MACROD2: variants seen among roughly 807,000 people sequenced by gnomAD.
The protein encoded by MACROD2 is mono-ADP ribosylhydrolase 2.
Under a neutral mutation model 70.4 loss-of-function variants are expected in MACROD2, and 36 were observed. That is an observed-to-expected ratio of 0.51 (90% confidence interval 0.39 to 0.68). The LOEUF (loss-of-function observed/expected upper bound fraction) is 0.68. Ranked by LOEUF, MACROD2 falls within the 30% of genes least tolerant of loss-of-function variation. MACROD2 has a pLI of 0.00. For missense variants in MACROD2, 496 were observed against 538.4 expected (o/e 0.92, Z 0.78); for synonymous variants, 172 against 178.8 (o/e 0.96, Z 0.30).
intron 3 of MACROD2, among the ~76,000 whole-genome samples, chr20:14,271,774 A>C (rs958550002): frequency 6.6e-6 from 1 of 152,174 alleles, no homozygotes; most frequent in Non-Finnish European, 1.5e-5. Context: ...TATAACTAGA[A>C]TAACCAATAC....
intron 5 of MACROD2, among the ~76,000 whole-genome samples, chr20:14,780,045 C>T (rs1052581076): frequency 6.6e-6 from 1 of 152,044 alleles, no homozygotes; most frequent in African/African-American, 2.4e-5. Flanking sequence ...GAGGTTGAAT[C>T]ACTCTTTCAA....
intron 4 of MACROD2, among the ~76,000 whole-genome samples, chr20:14,637,397 C>T (rs903705777): frequency 6.6e-6 from 1 of 152,092 alleles, no homozygotes; most frequent in Admixed American, 6.5e-5. Flanking sequence ...GGCAACCATA[C>T]CAGGTCATTG....
chr20:15,803,989 C>A (rs565337127), intron 8 of MACROD2, among the ~76,000 whole-genome samples: 1 of 152,164 alleles, frequency 6.6e-6, no homozygotes, highest in African/African-American at 2.4e-5. Context: ...AGATTTTAGA[C>A]TCCCAAAGAA....
intron 6 of MACROD2, among the ~76,000 whole-genome samples, chr20:15,326,693 A>AAG (rs2077933645): frequency 1.3e-5 from 2 of 152,114 alleles, no homozygotes; most frequent in South Asian, 4.1e-4. Flanking sequence ...GAAAAAAAGC[A>AAG]AGAGAGAGTT....
At chr20:15,817,042 T>C (rs1005808718) in intron 8 of MACROD2, among the ~76,000 whole-genome samples, 1 of 152,214 alleles carries the variant, frequency 6.6e-6, no homozygotes, top group African/African-American at 2.4e-5. Context: ...GGCTAAGCCT[T>C]TGTAAGTTCT....
intron 5 of MACROD2, among the ~76,000 whole-genome samples, chr20:14,731,033 A>AC (rs2071591589): frequency 1.3e-5 from 2 of 151,842 alleles, no homozygotes; most frequent in African/African-American, 4.8e-5. Flanking sequence ...TCACAAACAC[A>AC]TACATTAATT....
intron 5 of MACROD2, among the ~76,000 whole-genome samples, chr20:14,880,046 T>C (rs538042611): frequency 2.6e-5 from 4 of 152,282 alleles, no homozygotes; most frequent in East Asian, 3.9e-4. Context: ...ATGAGAAATA[T>C]ACAAACTGTG....
At chr20:15,946,878 T>C (rs2065830860) in intron 12 of MACROD2, among the ~76,000 whole-genome samples, 1 of 152,086 alleles carries the variant, frequency 6.6e-6, no homozygotes, top group Non-Finnish European at 1.5e-5. Flanking sequence ...GCAAGAGGAA[T>C]GCGGCAGGAG....
intron 8 of MACROD2, among the ~76,000 whole-genome samples, chr20:15,801,459 T>C (rs1345814766): frequency 6.7e-6 from 1 of 150,126 alleles, no homozygotes; most frequent in Non-Finnish European, 1.5e-5. Flanking sequence ...TCCAGAATGC[T>C]TTAATAAATT....
At chr20:14,410,217 C>CTTTTTTTTTTTT (rs11469280) in intron 3 of MACROD2, among the ~76,000 whole-genome samples, 1 of 134,404 alleles carries the variant, frequency 7.4e-6, no homozygotes, top group African/African-American at 2.7e-5. Flanking sequence ...GTTTGCATTT[C>CTTTTTTTTTTTT]TTTTTTTTTT....
chr20:14,600,327 C>CATATATATATATATAT (rs769273379), intron 4 of MACROD2, among the ~76,000 whole-genome samples: 422 of 128,542 alleles, frequency 3.3e-3, no homozygotes, highest in African/African-American at 0.011. Context: ...TATGCAGCTA[C>CATATATATATATATAT]ATATATATAT....
At chr20:14,225,420 A>G (rs2081723363) in intron 3 of MACROD2, among the ~76,000 whole-genome samples, 1 of 152,232 alleles carries the variant, frequency 6.6e-6, no homozygotes, top group Non-Finnish European at 1.5e-5. Context: ...ACTATGATAG[A>G]TATGTATTAA....
At chr20:15,251,381 A>G (rs992263200) in intron 6 of MACROD2, among the ~76,000 whole-genome samples, 6 of 152,186 alleles carry the variant, frequency 3.9e-5, no homozygotes, top group Admixed American at 2.6e-4. Context: ...CTGAATAAAC[A>G]TGGAGTGTAT....
chr20:14,860,283 T>A (rs1226363804), intron 5 of MACROD2, among the ~76,000 whole-genome samples: 1 of 152,136 alleles, frequency 6.6e-6, no homozygotes, highest in Non-Finnish European at 1.5e-5. Context: ...ATAAATGCTT[T>A]CAATATTGAG....
intron 4 of MACROD2, among the ~76,000 whole-genome samples, chr20:14,522,096 T>C (rs1017135793): frequency 6.6e-6 from 1 of 152,154 alleles, no homozygotes; most frequent in Non-Finnish European, 1.5e-5. Flanking sequence ...CTGCTCTGAG[T>C]TCTAATCCGA....
chr20:14,442,903 C>T (rs1030717846), intron 3 of MACROD2, among the ~76,000 whole-genome samples: 4 of 151,892 alleles, frequency 2.6e-5, no homozygotes, highest in Non-Finnish European at 4.4e-5. Flanking sequence ...TGTGAAACCC[C>T]GTCTCTACTA....
chr20:14,223,641 G>A (rs1269163594), intron 3 of MACROD2, among the ~76,000 whole-genome samples: 2 of 151,704 alleles, frequency 1.3e-5, no homozygotes, highest in South Asian at 2.1e-4. Flanking sequence ...CCAAGTAGCT[G>A]GGATTACAGA....
intron 5 of MACROD2, among the ~76,000 whole-genome samples, chr20:15,035,508 G>T (rs923515904): frequency 3.9e-5 from 6 of 152,168 alleles, no homozygotes; most frequent in South Asian, 2.1e-4. Context: ...TTCTTTAAGT[G>T]AAATTTGATC....
At chr20:15,980,274 C>T (rs1337934418) in intron 13 of MACROD2, among the ~76,000 whole-genome samples, 1 of 152,180 alleles carries the variant, frequency 6.6e-6, no homozygotes, top group Non-Finnish European at 1.5e-5. Context: ...ATTTTACTTC[C>T]TTGTTTTTTT....
Sources: allele counts gnomAD v4.1 joint callset (sites outside exome capture counted in the v4.1 genomes callset), GRCh38; gene constraint gnomAD v4.1.1; transcripts MANE v1.5; gene names NCBI Gene and HGNC (gene_info 2026-07-23, HGNC 2026-07-21).